The following ZNF385B variants were observed in gnomAD, a reference collection of about 807,000 sequenced individuals.
The protein encoded by ZNF385B is zinc finger protein 385B.
In ZNF385B, 23 loss-of-function variants were observed where a neutral mutation model predicts 39.2. That is an observed-to-expected ratio of 0.59 (90% CI 0.42 to 0.83). The LOEUF (loss-of-function observed/expected upper bound fraction) is 0.83, where lower values mean the gene tolerates loss of function less well. ZNF385B is among the 40% of genes least tolerant of loss of function. ZNF385B has a pLI of 0.00. For synonymous variants in ZNF385B, 205 were observed against 222.6 expected (o/e 0.92, Z 0.70); for missense variants, 552 against 598.9 (o/e 0.92, Z 0.82).
intron 1 of ZNF385B, chr2:179,814,333 T>C (rs1451400025): frequency 2.1e-5 from 6 of 281,986 alleles, no homozygotes; most frequent in Non-Finnish European, 4.3e-5. Flanking sequence ...ATGGCTGTCA[T>C]TCGCTTCGGC....
intron 3 of ZNF385B, among the ~76,000 whole-genome samples, chr2:179,721,658 A>G (rs1700704826): frequency 6.6e-6 from 1 of 152,034 alleles, no homozygotes; most frequent in Non-Finnish European, 1.5e-5. Context: ...GAGAAAAAGT[A>G]TTTAATAAAA....
At chr2:179,516,798 T>G (rs1688406650) in intron 5 of ZNF385B, among the ~76,000 whole-genome samples, 1 of 152,116 alleles carries the variant, frequency 6.6e-6, no homozygotes, top group Non-Finnish European at 1.5e-5. Flanking sequence ...CTTCTTTATT[T>G]TCTAAGAAAT....
chr2:179,758,458 A>C (rs1037975736), intron 3 of ZNF385B, among the ~76,000 whole-genome samples: 2 of 152,188 alleles, frequency 1.3e-5, no homozygotes, highest in Admixed American at 1.3e-4. Flanking sequence ...TTATAAGAGC[A>C]CTAATCCCAT....
intron 3 of ZNF385B, among the ~76,000 whole-genome samples, chr2:179,564,464 T>G (rs1236175216): frequency 6.6e-6 from 1 of 152,142 alleles, no homozygotes; most frequent in African/African-American, 2.4e-5. Context: ...TATAAGACCT[T>G]ACCCTATCAA....
At chr2:179,460,132 A>AAAAT (rs2051164043) in intron 6 of ZNF385B, among the ~76,000 whole-genome samples, 1 of 151,886 alleles carries the variant, frequency 6.6e-6, no homozygotes, top group African/African-American at 2.4e-5. Context: ...AAGAAAAAAA[A>AAAAT]ATATATAATG....
intron 3 of ZNF385B, among the ~76,000 whole-genome samples, chr2:179,565,977 G>C (rs1320688152): frequency 6.6e-6 from 1 of 152,134 alleles, no homozygotes; most frequent in Admixed American, 6.5e-5. Flanking sequence ...AGAGCTCTAA[G>C]CTCTTCTGGC....
At chr2:179,627,924 T>G (rs1250432935) in intron 3 of ZNF385B, among the ~76,000 whole-genome samples, 1 of 152,172 alleles carries the variant, frequency 6.6e-6, no homozygotes, top group African/African-American at 2.4e-5. Context: ...ACTTAGATAT[T>G]TTAGTTATCT....
intron 3 of ZNF385B, among the ~76,000 whole-genome samples, chr2:179,630,169 C>T (rs1691063423): frequency 6.6e-6 from 1 of 152,252 alleles, no homozygotes; most frequent in African/African-American, 2.4e-5. Flanking sequence ...AGTGGTTCTC[C>T]AAGCATGGCG....
intron 7 of ZNF385B, 112 bp downstream of exon 7, chr2:179,446,413 T>A (rs1341910400): frequency 7.1e-7 from 1 of 1,407,702 alleles, no homozygotes; most frequent in African/African-American, 1.4e-5. Flanking sequence ...ATCAAAAAAG[T>A]AGAGAAGCAT....
intron 3 of ZNF385B, among the ~76,000 whole-genome samples, chr2:179,559,336 G>T (rs1401871448): frequency 1.4e-5 from 2 of 147,328 alleles, no homozygotes; most frequent in East Asian, 3.9e-4. Flanking sequence ...TCTCTAGTGG[G>T]TATTTAACAG....
At chr2:179,804,277 A>T (rs374068414) in intron 1 of ZNF385B, among the ~76,000 whole-genome samples, 218 of 152,284 alleles carry the variant, frequency 1.4e-3, no homozygotes, top group African/African-American at 5.0e-3. Context: ...ACCTCCTGAA[A>T]CCATGGAGCC....
intron 3 of ZNF385B, among the ~76,000 whole-genome samples, chr2:179,597,141 A>G (rs139978389): frequency 5.9e-5 from 9 of 152,320 alleles, no homozygotes; most frequent in African/African-American, 1.4e-4. Context: ...GGATTTTTCT[A>G]TCATGCTCCT....
At position 179,634,185 on chromosome 2, in the gene ZNF385B, C is replaced by T. The variant is rs548707630; in HGVS notation, c.299-89216G>A. Among the ~76,000 whole-genome samples, 3 of 151,402 alleles carry T rather than the reference C, an allele frequency of 2.0e-5. No individual in the cohort carries two copies. The East Asian group carries it at 5.8e-4, about 29-fold the overall frequency. On this transcript the variant is annotated intron_variant, in intron 3 of 9. Transcript: ENST00000410066. ...ATGACTAAAACACCAAAAGCAATGG[C>T]AACAAAAGCCAAAATTGACAAATGG...
chr2:179,628,122 TAA>T (rs1432112734), intron 3 of ZNF385B, among the ~76,000 whole-genome samples: 1 of 152,176 alleles, frequency 6.6e-6, no homozygotes, highest in Non-Finnish European at 1.5e-5. Context: ...TTTGTATTTC[TAA>T]GAGATAAGCT....
In ZNF385B at chr2:179,769,680, T is replaced by C. The variant is rs773804566; in HGVS notation, c.121A>G (p.Lys41Glu). 6.2e-7 allele frequency: 1 copy of C among 1,614,218 alleles called. No homozygotes were observed. Among genetic ancestry groups the C allele is most frequent in the South Asian group, 1.1e-5 (1 of 91,088 alleles). Residue 41 changes from lysine (K) to glutamate (E), a missense_variant, in exon 3 of 10, where the codon AAA becomes GAA. Coordinates refer to ENST00000410066, the MANE Select transcript of ZNF385B (RefSeq NM_152520.6). ...KNDRPEDQLS[K>E]EKKKILFSFC... Reference sequence around the variant, plus strand: ...GAGAAAAGAATTTTCTTTTTCTCTTTGCTCAACTGGTCCTCAGGCCTGTCG... The same window carrying C: ...GAGAAAAGAATTTTCTTTTTCTCTTCGCTCAACTGGTCCTCAGGCCTGTCG...
chr2:179,739,341 G>C (rs1389383117), intron 3 of ZNF385B, among the ~76,000 whole-genome samples: 2 of 152,160 alleles, frequency 1.3e-5, no homozygotes, highest in Non-Finnish European at 2.9e-5. Flanking sequence ...GAGATGATGA[G>C]GTACCTCGGG....
intron 1 of ZNF385B, among the ~76,000 whole-genome samples, chr2:179,809,158 A>T (rs1209377414): frequency 6.6e-6 from 1 of 152,204 alleles, no homozygotes; most frequent in African/African-American, 2.4e-5. Context: ...GTATTAGTTT[A>T]CTGGCCCCTT....
intron 3 of ZNF385B, among the ~76,000 whole-genome samples, chr2:179,586,913 C>T (rs1272681384): frequency 3.3e-5 from 5 of 152,066 alleles, no homozygotes; most frequent in Non-Finnish European, 7.4e-5. Context: ...GTGGCACGTG[C>T]CTGTAGTCCC....
At chr2:179,728,717 CTCTAA>C (rs1701181042) in intron 3 of ZNF385B, among the ~76,000 whole-genome samples, 1 of 152,062 alleles carries the variant, frequency 6.6e-6, no homozygotes, top group South Asian at 2.1e-4. Context: ...GGTTTGCAAA[CTCTAA>C]TCTTTAGGGA....
Sources: allele counts gnomAD v4.1 joint callset (sites outside exome capture counted in the v4.1 genomes callset), GRCh38; gene constraint gnomAD v4.1.1; transcripts MANE v1.5; gene names NCBI Gene and HGNC (gene_info 2026-07-23, HGNC 2026-07-21).